Variants in NCDN observed in about 807,000 individuals in gnomAD.
NCDN encodes the protein norbin.
A neutral mutation model predicts 60.7 loss-of-function variants in NCDN; 9 were observed. The ratio of observed to expected loss-of-function variants is 0.15; its 90% confidence interval spans 0.09 to 0.26. The LOEUF (loss-of-function observed/expected upper bound fraction) is 0.26, where lower values mean the gene tolerates loss of function less well. Ranked by LOEUF, NCDN falls within the 10% of genes least tolerant of loss-of-function variation. NCDN has a pLI of 1.00. For synonymous variants in NCDN, 409 were observed against 442.5 expected, an observed-to-expected ratio of 0.92 and a Z score of 0.95; for missense variants, 578 against 975.2, an observed-to-expected ratio of 0.59 and a Z score of 5.42.
Position 35,565,813 on chromosome 1 carries a change from G to T in NCDN, c.*150G>T. ...CTGGCTTTTCTGAGGGCAAGGGCAT[G>T]GTGCCCACCCCTCAAGTGTAAGGAA... is the stretch of plus-strand genomic sequence containing the variant. On this transcript the variant is annotated 3_prime_UTR_variant, in exon 7 of 7. Coordinates refer to ENST00000373243, the MANE Select transcript of NCDN (RefSeq NM_014284.3). The surrounding 1 kb of genome is among the most constrained non-coding windows in gnomAD (Gnocchi z 8.9). 3.6e-6 allele frequency: 3 copies of T among 826,688 alleles called. No individual in the cohort carries two copies. Among genetic ancestry groups the T allele is most frequent in the Non-Finnish European group, 3.7e-6 (2 of 543,494 alleles). 51.2% of individuals were successfully genotyped at this position (826,688 alleles called of 1,614,324 possible).
chr1:35,563,491 C>T lies in NCDN; in HGVS notation c.1610+65C>T. ...GGCAAAGGAGGCTGCCCAGTTGCCT[C>T]AATTCTCAGTCTCCTACTTTGCCCC... On this transcript the variant is annotated intron_variant, in intron 5 of 6. Coordinates refer to ENST00000373243, the MANE Select transcript of NCDN (RefSeq NM_014284.3). The surrounding 1 kb of genome is among the most constrained non-coding windows in gnomAD (Gnocchi z 6.6). 1 of 1,535,984 alleles carries T rather than the reference C, an allele frequency of 6.5e-7. No individual in the cohort carries two copies. The highest frequency in any genetic ancestry group is 8.9e-7 in the Non-Finnish European group (1 of 1,120,166).
At chr1:35,564,345 C>T (rs1648802574) in intron 6 of NCDN, among the ~76,000 whole-genome samples, 1 of 152,148 alleles carries the variant, frequency 6.6e-6, no homozygotes, top group Non-Finnish European at 1.5e-5. Flanking sequence ...CTATGCACAC[C>T]TTCTCCCTAG....
rs959370734 is a variant in NCDN, at chr1:35,563,179, G to A, written c.1386-23G>A. The A allele has an allele frequency of 1.2e-5, 20 of 1,602,282 alleles. No homozygotes were observed. The highest frequency in any genetic ancestry group is 7.8e-5 in the South Asian group (7 of 90,082). ...CTTCATCTCTCCCAATCCCACACAC[G>A]TCTGTCCCTTCCACATCCCCAGGCT... is the stretch of plus-strand genomic sequence containing the variant. On this transcript the variant is annotated intron_variant, in intron 4 of 6. Coordinates refer to ENST00000373243, the MANE Select transcript of NCDN (RefSeq NM_014284.3). This position sits in a 1 kb window ranked among gnomAD's most constrained non-coding sequence, Gnocchi z 6.6.
In NCDN at chr1:35,557,827, C is replaced by A. The variant is rs978451461; in HGVS notation, c.-364C>A. 3 of 540,374 alleles carry A rather than the reference C, an allele frequency of 5.6e-6. No homozygotes were observed. The highest frequency in any genetic ancestry group is 8.7e-5 in the East Asian group (2 of 22,922). The allele number at this position is 540,374 out of a possible 1,614,324, so 33.5% of individuals were successfully genotyped here. ...GGGCAACGCGGCGTGAGCAGCGGCCCGAGGCTCCCGGAGCATCGCGCTGGG... is the reference window on the plus strand; with the variant it reads ...GGGCAACGCGGCGTGAGCAGCGGCCAGAGGCTCCCGGAGCATCGCGCTGGG... On this transcript the variant is annotated 5_prime_UTR_variant, in exon 1 of 7. Transcript: ENST00000373243.
In NCDN at chr1:35,563,337, C is replaced by T; in HGVS notation, c.1521C>T (p.Thr507=). 1 of 1,614,224 alleles carries T rather than the reference C, an allele frequency of 6.2e-7. No homozygotes were observed. Among genetic ancestry groups the T allele is most frequent in the Non-Finnish European group, 8.5e-7 (1 of 1,180,050 alleles). The change falls in exon 5 of 7, where the codon ACC becomes ACT. Residue 507 remains threonine, a synonymous_variant. Coordinates refer to ENST00000373243, the MANE Select transcript of NCDN (RefSeq NM_014284.3). The surrounding 1 kb of genome is among the most constrained non-coding windows in gnomAD (Gnocchi z 6.6). ...AACTCACATCCCCTGGCCACGACAC[C>T]TCGGTGCTGCCTGACAGCGTGGAGA... ...QWELTSPGHD[T]SVLPDSVEIG...
Position 35,561,415 on chromosome 1 carries a change from A to G in NCDN, c.1143+121A>G. On this transcript the variant is annotated intron_variant, in intron 3 of 6. Coordinates refer to ENST00000373243, the MANE Select transcript of NCDN (RefSeq NM_014284.3). This position sits in a 1 kb window ranked among gnomAD's most constrained non-coding sequence, Gnocchi z 4.9. Reference sequence around the variant, plus strand: ...AAGCTGCATGTCCACACAAGCTGATACTGTAGCCAGCACTCCAGGGAGTAG... The same window carrying G: ...AAGCTGCATGTCCACACAAGCTGATGCTGTAGCCAGCACTCCAGGGAGTAG... 1.5e-6 allele frequency: 2 copies of G among 1,374,606 alleles called. No individual in the cohort carries two copies. Among genetic ancestry groups the G allele is most frequent in the South Asian group, 3.0e-5 (2 of 67,470 alleles). The allele number at this position is 1,374,606 out of a possible 1,614,324, so 85.2% of individuals were successfully genotyped here. A position where few individuals can be genotyped will look rare whatever the true frequency, so the allele number is the denominator to read the frequency against.
In NCDN at chr1:35,558,828, G is replaced by A; in HGVS notation, c.34-279G>A. On this transcript the variant is annotated intron_variant, in intron 1 of 6. Transcript: ENST00000373243. This position sits in a 1 kb window ranked among gnomAD's most constrained non-coding sequence, Gnocchi z 6.3. ...CGCCCACCCCCAGGAGACTGGTGAG[G>A]AGAGCTGTCCGGCTGAGCAGCAGCA... 1 of 759,156 alleles carries A rather than the reference G, an allele frequency of 1.3e-6. No homozygotes were observed. Among genetic ancestry groups the A allele is most frequent in the Non-Finnish European group, 1.9e-6 (1 of 528,246 alleles). 47.0% of individuals were successfully genotyped at this position (759,156 alleles called of 1,614,324 possible).
chr1:35,562,398 T>A lies in NCDN; in HGVS notation c.1150T>A (p.Ser384Thr). The A allele has an allele frequency of 6.2e-7, 1 of 1,613,748 alleles. No individual in the cohort carries two copies. Among genetic ancestry groups the A allele is most frequent in the East Asian group, 2.2e-5 (1 of 44,874 alleles). ...GGGGGTCCTGTGGCAACAGGTGGGG[T>A]CAGAGAAGCAGAAGGAGCCCTTTGT... ...AVIHYLLQVG[S>T]EKQKEPFVFA... Residue 384 changes from serine to threonine, a missense_variant, in exon 4 of 7, where the codon TCA becomes ACA. Around this residue, in one of 3 missense-constraint regions of NCDN, gnomAD observed 363 missense variants for 583.6 expected, o/e 0.62. Transcript: ENST00000373243. The surrounding 1 kb of genome is among the most constrained non-coding windows in gnomAD (Gnocchi z 6.8).
Position 35,565,667 on chromosome 1 carries a change from G to A in NCDN, c.*4G>A, listed in dbSNP as rs887228686. 6.5e-7 allele frequency: 1 copy of A among 1,545,210 alleles called. No homozygotes were observed. Among genetic ancestry groups the A allele is most frequent in the Non-Finnish European group, 8.7e-7 (1 of 1,152,356 alleles). ...GCAGTGCCTGTCAGAGCCCTGAGGG[G>A]TGTCCACCGGGGACAGACCCAGGGG... On this transcript the variant is annotated 3_prime_UTR_variant, in exon 7 of 7. Coordinates refer to ENST00000373243, the MANE Select transcript of NCDN (RefSeq NM_014284.3). This position sits in a 1 kb window ranked among gnomAD's most constrained non-coding sequence, Gnocchi z 8.9.
Position 35,565,316 on chromosome 1 carries a change from T to G in NCDN, c.1843T>G (p.Ser615Ala), listed in dbSNP as rs1322052384. The change falls in exon 7 of 7, where the codon TCA (serine) becomes GCA (alanine). Residue 615 changes from serine (S) to alanine (A), a missense_variant. Physicochemically the swap from Ser to Ala is moderately conservative, Grantham distance 99. Around this residue, in one of 3 missense-constraint regions of NCDN, gnomAD observed 191 missense variants for 372.1 expected, o/e 0.51. Coordinates refer to ENST00000373243, the MANE Select transcript of NCDN (RefSeq NM_014284.3). The surrounding 1 kb of genome is among the most constrained non-coding windows in gnomAD (Gnocchi z 8.9). Reference protein sequence around the residue: ...QSHVARATPGSDQAVLALSPE... With the variant: ...QSHVARATPGADQAVLALSPE... ...CCACGTGGCGCGGGCCACCCCGGGC[T>G]CAGACCAGGCAGTGCTAGCCCTGTC... 2 of 1,614,132 alleles carry G rather than the reference T, an allele frequency of 1.2e-6. No homozygotes were observed. Among genetic ancestry groups the G allele is most frequent in the Non-Finnish European group, 8.5e-7 (1 of 1,179,974 alleles).
Position 35,566,675 on chromosome 1 carries a change from ACACACT to A in NCDN, c.*1014_*1019del, listed in dbSNP as rs2148541365. The A allele has an allele frequency of 5.0e-6, 2 of 403,608 alleles. No homozygotes were observed. Among genetic ancestry groups the A allele is most frequent in the East Asian group, 8.2e-5 (1 of 12,224 alleles). 25.0% of individuals were successfully genotyped at this position (403,608 alleles called of 1,614,324 possible). A position where few individuals can be genotyped will look rare whatever the true frequency, so the allele number is the denominator to read the frequency against. Reference sequence around the variant, plus strand: ...CACACACACACACACACACACACACACACACTCTTGATCCCTTGCTTCCCTCCCCCA... The same window carrying A: ...CACACACACACACACACACACACACACTTGATCCCTTGCTTCCCTCCCCCA... On this transcript the variant is annotated 3_prime_UTR_variant, in exon 7 of 7. Transcript: ENST00000373243. This position sits in a 1 kb window ranked among gnomAD's most constrained non-coding sequence, Gnocchi z 5.3.
In NCDN at chr1:35,558,611, A is replaced by G. The variant is rs1488021529; in HGVS notation, c.33+388A>G. The G allele has an allele frequency of 2.5e-6, 3 of 1,179,482 alleles. No homozygotes were observed. In the East Asian group the frequency reaches 1.4e-4, roughly 55 times the overall value. 73.1% of individuals were successfully genotyped at this position (1,179,482 alleles called of 1,614,324 possible). A position where few individuals can be genotyped will look rare whatever the true frequency, so the allele number is the denominator to read the frequency against. ...TGAAGCGTATCTCTGCCTCTGAAGA[A>G]GGGAGGGGAAAGGAAGCCTGGGGTG... On this transcript the variant is annotated intron_variant, in intron 1 of 6. Coordinates refer to ENST00000373243, the MANE Select transcript of NCDN (RefSeq NM_014284.3). The surrounding 1 kb of genome is among the most constrained non-coding windows in gnomAD (Gnocchi z 6.3).
chr1:35,564,022 G>T lies in NCDN; in HGVS notation c.1753+113G>T, dbSNP rs1481432164. The stretch of plus-strand genomic sequence containing the variant: ...AAGATGGTTTTGCAGCATTTTCTAA[G>T]CAAGAGGAAATCTTTGCAGTGTATC... On this transcript the variant is annotated intron_variant, in intron 6 of 6. Coordinates refer to ENST00000373243, the MANE Select transcript of NCDN (RefSeq NM_014284.3). The T allele has an allele frequency of 3.8e-6, 5 of 1,309,672 alleles. No individual in the cohort carries two copies. The Admixed American group carries it at 1.4e-4, about 36-fold the overall frequency. The allele number at this position is 1,309,672 out of a possible 1,614,324, so 81.1% of individuals were successfully genotyped here. A position where few individuals can be genotyped will look rare whatever the true frequency, so the allele number is the denominator to read the frequency against.
rs1648709950 is a variant in NCDN at position 35,561,601 on chromosome 1, A to G, written c.1143+307A>G. Among the ~76,000 whole-genome samples, 1 of 151,626 alleles carries G rather than the reference A, an allele frequency of 6.6e-6. No individual in the cohort carries two copies. Among genetic ancestry groups the G allele is most frequent in the Non-Finnish European group, 1.5e-5 (1 of 67,896 alleles). The stretch of plus-strand genomic sequence containing the variant: ...AATACACACACACTACACGCCACAC[A>G]CCTCTCCCCAACACATGCACACAAG... On this transcript the variant is annotated intron_variant, in intron 3 of 6. Coordinates refer to ENST00000373243, the MANE Select transcript of NCDN (RefSeq NM_014284.3). The surrounding 1 kb of genome is among the most constrained non-coding windows in gnomAD (Gnocchi z 4.9).
At position 35,562,413 on chromosome 1, in the gene NCDN, G is replaced by A; in HGVS notation, c.1165G>A (p.Glu389Lys). ...ACAGGTGGGGTCAGAGAAGCAGAAG[G>A]AGCCCTTTGTGTTTGCCTCGGTGCG... is the stretch of plus-strand genomic sequence containing the variant. ...LLQVGSEKQK[E>K]PFVFASVRIL... The change falls in exon 4 of 7, where the codon GAG becomes AAG. Residue 389 changes from glutamate to lysine, a missense_variant. Physicochemically the swap from Glu to Lys is moderately conservative, Grantham distance 56. This residue lies in a region of NCDN where 363 missense variants were observed against 583.6 expected (regional missense o/e 0.62). Transcript: ENST00000373243. The surrounding 1 kb of genome is among the most constrained non-coding windows in gnomAD (Gnocchi z 6.8). 3.1e-6 allele frequency: 5 copies of A among 1,614,176 alleles called. No homozygotes were observed. Among genetic ancestry groups the A allele is most frequent in the Non-Finnish European group, 4.2e-6 (5 of 1,180,018 alleles).
chr1:35,562,349 G>A lies in NCDN; in HGVS notation c.1144-43G>A. ...GCTGGCCTCTGGCAAGGCAGGGAGG[G>A]TCCCTGGTCCTGCTCCATCTCAAGG... On this transcript the variant is annotated intron_variant, in intron 3 of 6. Coordinates refer to ENST00000373243, the MANE Select transcript of NCDN (RefSeq NM_014284.3). The surrounding 1 kb of genome is among the most constrained non-coding windows in gnomAD (Gnocchi z 6.8). The A allele has an allele frequency of 1.3e-6, 2 of 1,597,828 alleles. No homozygotes were observed. The highest frequency in any genetic ancestry group is 1.7e-6 in the Non-Finnish European group (2 of 1,169,998).
Position 35,558,558 on chromosome 1 carries a change from C to T in NCDN, c.33+335C>T. On this transcript the variant is annotated intron_variant, in intron 1 of 6. Coordinates refer to ENST00000373243, the MANE Select transcript of NCDN (RefSeq NM_014284.3). The surrounding 1 kb of genome is among the most constrained non-coding windows in gnomAD (Gnocchi z 6.3). ...TCCCCAAAGGGGCCTCCAAGCCTTC[C>T]CTGTTGAGCGTCTTGTATTCTCACT... The T allele has an allele frequency of 1.5e-6, 2 of 1,298,780 alleles. No individual in the cohort carries two copies. The highest frequency in any genetic ancestry group is 9.8e-7 in the Non-Finnish European group (1 of 1,019,896). 80.5% of individuals were successfully genotyped at this position (1,298,780 alleles called of 1,614,324 possible).
Position 35,563,514 on chromosome 1 carries a change from C to A in NCDN, c.1610+88C>A. ...CTCAATTCTCAGTCTCCTACTTTGC[C>A]CCCCATGCCCATGGATTTGTTAGTG... On this transcript the variant is annotated intron_variant, in intron 5 of 6. Transcript: ENST00000373243. This position sits in a 1 kb window ranked among gnomAD's most constrained non-coding sequence, Gnocchi z 6.6. The A allele has an allele frequency of 7.1e-7, 1 of 1,414,460 alleles. No individual in the cohort carries two copies. The highest frequency in any genetic ancestry group is 2.3e-5 in the East Asian group (1 of 43,204). The allele number at this position is 1,414,460 out of a possible 1,614,324, so 87.6% of individuals were successfully genotyped here. A position where few individuals can be genotyped will look rare whatever the true frequency, so the allele number is the denominator to read the frequency against.
chr1:35,565,568 C>G lies in NCDN; in HGVS notation c.2095C>G (p.Arg699Gly). 6.4e-7 allele frequency: 1 copy of G among 1,563,324 alleles called. No individual in the cohort carries two copies. The highest frequency in any genetic ancestry group is 2.4e-5 in the East Asian group (1 of 42,206). ...CCTGGTGGAGCTGGCGCGGGCCAAC[C>G]GGCTGTGCCGGGAGGCCATGAGGCT... ...GVLVELARANRLCREAMRLQA... is the reference protein window; with the variant it reads ...GVLVELARANGLCREAMRLQA... Residue 699 changes from arginine (R) to glycine (G), a missense_variant, in exon 7 of 7, where the codon CGG becomes GGG. Physicochemically the swap from Arg to Gly is moderately radical, Grantham distance 125. Around this residue, in one of 3 missense-constraint regions of NCDN, gnomAD observed 191 missense variants for 372.1 expected, o/e 0.51. Coordinates refer to ENST00000373243, the MANE Select transcript of NCDN (RefSeq NM_014284.3). This position sits in a 1 kb window ranked among gnomAD's most constrained non-coding sequence, Gnocchi z 8.9.
Sources: allele counts gnomAD v4.1 joint callset (sites outside exome capture counted in the v4.1 genomes callset), GRCh38; gene constraint gnomAD v4.1.1; regional missense constraint gnomAD v4.1.1; non-coding constraint Gnocchi (gnomAD v3.1); transcripts MANE v1.5; gene names NCBI Gene and HGNC (gene_info 2026-07-23, HGNC 2026-07-21).